The following MYO10 variants were observed in gnomAD, a reference collection of about 807,000 sequenced individuals.
MYO10 encodes the protein myosin X.
In MYO10, 133 loss-of-function variants were observed where a neutral mutation model predicts 257.3. The ratio of observed to expected loss-of-function variants is 0.52; its 90% confidence interval spans 0.45 to 0.60. The LOEUF (loss-of-function observed/expected upper bound fraction) is 0.60. Among genes scored for constraint, MYO10 ranks in the 20% least tolerant of loss-of-function variants. MYO10 has a pLI of 0.00. For missense variants in MYO10, 2,399 were observed against 2,635.7 expected (o/e 0.91, Z 1.97); for synonymous variants, 1,104 against 1,028.6 (o/e 1.07, Z -1.40).
chr5:16,703,276 C>T, intron 22 of MYO10, 118 bp from the exon 23 acceptor site: 1 of 740,298 alleles, frequency 1.4e-6, no homozygotes, highest in East Asian at 2.7e-5. Flanking sequence ...ATGAGACTCT[C>T]ATTATGGAAA....
intron 2 of MYO10, among the ~76,000 whole-genome samples, chr5:16,821,395 A>C (rs1017540050): frequency 5.4e-5 from 8 of 148,488 alleles, no homozygotes; most frequent in Non-Finnish European, 1.0e-4. Flanking sequence ...TAACCTGTAA[A>C]CTAGAGTTCC....
intron 19 of MYO10, among the ~76,000 whole-genome samples, chr5:16,728,698 C>T (rs1006798192): frequency 6.6e-6 from 1 of 152,130 alleles, no homozygotes; most frequent in African/African-American, 2.4e-5. Context: ...AGACCCTGAT[C>T]CAAGTGGAGT....
intron 29 of MYO10, among the ~76,000 whole-genome samples, chr5:16,685,454 C>T (rs1737206465): frequency 6.6e-6 from 1 of 152,084 alleles, no homozygotes; most frequent in African/African-American, 2.4e-5. Context: ...TCAAATGATC[C>T]TCCCACCTCA....
intron 19 of MYO10, among the ~76,000 whole-genome samples, chr5:16,717,872 C>A (rs947970035): frequency 6.6e-6 from 1 of 152,236 alleles, no homozygotes; most frequent in African/African-American, 2.4e-5. Context: ...CCCTTCAGCC[C>A]CCTCACTGCA....
At chr5:16,669,893 A>G (rs1477159511) in intron 39 of MYO10, among the ~76,000 whole-genome samples, 3 of 152,148 alleles carry the variant, frequency 2.0e-5, no homozygotes, top group African/African-American at 7.2e-5. Flanking sequence ...ACAACTACTC[A>G]ACTCTGTACA....
Position 16,885,446 on chromosome 5 carries a change from C to T in MYO10, c.22-7739G>A, listed in dbSNP as rs186144005. On this transcript the variant is annotated intron_variant, in intron 1 of 40. Transcript: ENST00000513610. ...CTGCACTTTGGGAGGCCAAGGCAGGCGGATCACCTGAGGTCAGGAGTTCAA... is the reference window on the plus strand; with the variant it reads ...CTGCACTTTGGGAGGCCAAGGCAGGTGGATCACCTGAGGTCAGGAGTTCAA... 8.6e-4 allele frequency among the ~76,000 whole-genome samples: 131 copies of T among 152,094 alleles called. 1 individual carries two copies. Among genetic ancestry groups the T allele is most frequent in the African/African-American group, 2.8e-3 (115 of 41,506 alleles).
intron 34 of MYO10, 96 bp downstream of exon 34, chr5:16,675,935 T>G: frequency 3.3e-5 from 46 of 1,385,426 alleles, no homozygotes; most frequent in Non-Finnish European, 4.0e-5. Context: ...AGAGAGTCTT[T>G]GAGATAAAAA....
intron 1 of MYO10, among the ~76,000 whole-genome samples, chr5:16,903,252 T>A (rs1024856290): frequency 7.2e-5 from 11 of 152,124 alleles, no homozygotes; most frequent in Admixed American, 3.9e-4. Flanking sequence ...TAAAAATACA[T>A]AAATTAGCTG....
chr5:16,812,065 G>C (rs894923501), intron 3 of MYO10, among the ~76,000 whole-genome samples: 1 of 152,166 alleles, frequency 6.6e-6, no homozygotes, highest in Non-Finnish European at 1.5e-5. Context: ...TTCCAAGGAA[G>C]GGGACAATCA....
chr5:16,757,516 C>A (rs1162305557), intron 18 of MYO10, among the ~76,000 whole-genome samples: 1 of 152,140 alleles, frequency 6.6e-6, no homozygotes, highest in Non-Finnish European at 1.5e-5. Flanking sequence ...CCCATTTCCA[C>A]ATGAGTCTCT....
chr5:16,917,525 A>T (rs1745856282), intron 1 of MYO10, among the ~76,000 whole-genome samples: 1 of 152,020 alleles, frequency 6.6e-6, no homozygotes, highest in Non-Finnish European at 1.5e-5. Context: ...GGTGAGGCAA[A>T]AGTGCCTCCA....
rs113789359 is a variant in MYO10 at position 16,746,242 on chromosome 5, G to A, written c.1929+8586C>T. Among the ~76,000 whole-genome samples the A allele has an allele frequency of 8.5e-3, 1,298 of 152,240 alleles. 5 individuals carry two copies. Among genetic ancestry groups the A allele is most frequent in the Admixed American group, 0.013 (204 of 15,276 alleles). ...AGTGTCACAGTGAGGACAACCAGAG[G>A]TCACTCTCGTGGCCATCTTGGTTTT... On this transcript the variant is annotated intron_variant, in intron 19 of 40. Coordinates refer to ENST00000513610, the MANE Select transcript of MYO10 (RefSeq NM_012334.3).
chr5:16,789,194 C>T lies in MYO10; in HGVS notation c.467+5452G>A, dbSNP rs138222074. Among the ~76,000 whole-genome samples the T allele has an allele frequency of 4.2e-3, 640 of 152,298 alleles. 3 individuals are homozygous for T. The highest frequency in any genetic ancestry group is 0.015 in the African/African-American group (604 of 41,566). ...GGAACACAGTGCAGGCTGTGCGTTG[C>T]ATACTGAGTGCTTTCACACTACAAG... On this transcript the variant is annotated intron_variant, in intron 4 of 40. Transcript: ENST00000513610.
chr5:16,888,465 C>T lies in MYO10; in HGVS notation c.22-10758G>A, dbSNP rs182346508. On this transcript the variant is annotated intron_variant, in intron 1 of 40. Transcript: ENST00000513610. ...ACAAAATTAGCTGGGTGTGGTGGTG[C>T]ATGCCTGTAATCCCAGCTACTCAGG... 2.7e-3 allele frequency among the ~76,000 whole-genome samples: 412 copies of T among 151,928 alleles called. 7 individuals carry two copies. The highest frequency in any genetic ancestry group is 9.2e-3 in the African/African-American group (379 of 41,280).
At position 16,781,678 on chromosome 5, in the gene MYO10, T is replaced by C. The variant is rs186426205; in HGVS notation, c.727+27A>G. ...TTTCCACTTAGAGAATCAATTACTATAGATAAAAATAAATGAAAGAGGATA... is the reference window on the plus strand; with the variant it reads ...TTTCCACTTAGAGAATCAATTACTACAGATAAAAATAAATGAAAGAGGATA... On this transcript the variant is annotated intron_variant, in intron 6 of 40. Transcript: ENST00000513610. The C allele has an allele frequency of 3.3e-5, 53 of 1,599,384 alleles. No individual in the cohort carries two copies. In the Admixed American group the frequency reaches 6.1e-4, roughly 18 times the overall value.
At chr5:16,770,115 C>T (rs1741000635) in intron 9 of MYO10, among the ~76,000 whole-genome samples, 1 of 152,010 alleles carries the variant, frequency 6.6e-6, no homozygotes, top group African/African-American at 2.4e-5. Context: ...ACCTGCAGTC[C>T]CAGCTCCTGG....
intron 11 of MYO10, among the ~76,000 whole-genome samples, chr5:16,765,469 T>C (rs1740836213): frequency 6.6e-6 from 1 of 152,186 alleles, no homozygotes; most frequent in Non-Finnish European, 1.5e-5. Flanking sequence ...TAATACTTAA[T>C]AAACTCCCCT....
chr5:16,864,547 C>T (rs1250922279), intron 2 of MYO10, among the ~76,000 whole-genome samples: 2 of 152,166 alleles, frequency 1.3e-5, no homozygotes, highest in Non-Finnish European at 2.9e-5. Flanking sequence ...TGAAGGAAGG[C>T]AGAAGAGACA....
Position 16,936,074 on chromosome 5 carries a change from C to T in MYO10, c.-266G>A. Reference sequence around the variant, plus strand: ...CACTACTGGGCGCAGCGCTCGCAAGCGGAGAACAGCTGGTGGCACATTCTT... The same window carrying T: ...CACTACTGGGCGCAGCGCTCGCAAGTGGAGAACAGCTGGTGGCACATTCTT... On this transcript the variant is annotated 5_prime_UTR_variant, in exon 1 of 41. Transcript: ENST00000513610. 2.0e-6 allele frequency: 1 copy of T among 498,982 alleles called. No individual in the cohort carries two copies. The highest frequency in any genetic ancestry group is 3.6e-6 in the Non-Finnish European group (1 of 280,264). 30.9% of individuals were successfully genotyped at this position (498,982 alleles called of 1,614,324 possible).
Sources: gnomAD v4.1 joint callset for allele counts (sites outside exome capture counted in the v4.1 genomes callset) on GRCh38, gnomAD v4.1.1 for gene constraint, MANE v1.5 for transcripts, NCBI Gene and HGNC (gene_info 2026-07-23, HGNC 2026-07-21) for gene names.